CNTN5: variants seen among roughly 807,000 people sequenced by gnomAD.
The protein encoded by CNTN5 is contactin 5.
CNTN5 carries 77 observed loss-of-function variants against 129.1 expected under a neutral mutation model. That is an observed-to-expected ratio of 0.60 (90% CI 0.50 to 0.72). The LOEUF (loss-of-function observed/expected upper bound fraction) is 0.72, where lower values mean the gene tolerates loss of function less well. Among genes scored for constraint, CNTN5 ranks in the 30% least tolerant of loss-of-function variants. CNTN5 has a pLI of 0.00. For synonymous variants in CNTN5, 509 were observed against 465.6 expected, an observed-to-expected ratio of 1.09 and a Z score of -1.20; for missense variants, 1,478 against 1,328.8, an observed-to-expected ratio of 1.11 and a Z score of -1.75.
At chr11:99,320,006 G>T (rs1007000611) in intron 1 of CNTN5, among the ~76,000 whole-genome samples, 17 of 152,298 alleles carry the variant, frequency 1.1e-4, no homozygotes, top group Non-Finnish European at 2.1e-4. Context: ...ATGGGAGGCA[G>T]AGGCTGGTGG....
chr11:99,859,210 T>C (rs1218469642), intron 6 of CNTN5, among the ~76,000 whole-genome samples: 1 of 152,336 alleles, frequency 6.6e-6, no homozygotes, highest in East Asian at 1.9e-4. Context: ...ATCTCTAATT[T>C]TGAGATCAGA....
chr11:99,234,559 A>G (rs559337703), intron 1 of CNTN5, among the ~76,000 whole-genome samples: 27 of 152,270 alleles, frequency 1.8e-4, no homozygotes, highest in Non-Finnish European at 3.4e-4. Context: ...CATTGAAATA[A>G]TTTGTTTTGT....
At chr11:100,147,700 T>TCACGA (rs1946899894) in intron 13 of CNTN5, among the ~76,000 whole-genome samples, 1 of 147,196 alleles carries the variant, frequency 6.8e-6, no homozygotes, top group South Asian at 2.2e-4. Context: ...TTCATATTAT[T>TCACGA]CACGACACCC....
chr11:99,837,387 C>T lies in CNTN5; in HGVS notation c.278-7465C>T, dbSNP rs189152926. Among the ~76,000 whole-genome samples the T allele has an allele frequency of 7.4e-4, 113 of 152,218 alleles. 1 individual carries two copies. The highest frequency in any genetic ancestry group is 1.6e-3 in the Non-Finnish European group (106 of 68,000). ...TTCTGCTTAGTTGTTGAATGAAGTG[C>T]TCTCCATACAGAAAGTTTTGGAACC... On this transcript the variant is annotated intron_variant, in intron 4 of 24. Transcript: ENST00000524871.
chr11:99,088,253 A>C (rs1161235309), intron 1 of CNTN5, among the ~76,000 whole-genome samples: 1 of 152,108 alleles, frequency 6.6e-6, no homozygotes, highest in Non-Finnish European at 1.5e-5. Context: ...ATGTGTTCTT[A>C]TCTGTGCCCT....
chr11:99,782,620 C>G (rs1010409868), intron 3 of CNTN5, among the ~76,000 whole-genome samples: 29 of 151,744 alleles, frequency 1.9e-4, no homozygotes, highest in African/African-American at 5.6e-4. Flanking sequence ...GTACTGGTAC[C>G]AAAACAGAGA....
intron 9 of CNTN5, among the ~76,000 whole-genome samples, chr11:100,011,331 G>A (rs898743815): frequency 6.6e-6 from 1 of 151,934 alleles, no homozygotes; most frequent in Non-Finnish European, 1.5e-5. Flanking sequence ...AATACACAAG[G>A]GCAAACAGGG....
At chr11:99,967,101 A>T (rs1456321395) in intron 8 of CNTN5, among the ~76,000 whole-genome samples, 1 of 152,170 alleles carries the variant, frequency 6.6e-6, no homozygotes, top group South Asian at 2.1e-4. Context: ...CTAAATAAAG[A>T]GAGGATATTT....
At chr11:99,435,657 A>G (rs1222129120) in intron 2 of CNTN5, among the ~76,000 whole-genome samples, 1 of 152,230 alleles carries the variant, frequency 6.6e-6, no homozygotes, top group East Asian at 1.9e-4. Flanking sequence ...AGTCTTAAAT[A>G]TGCCAAATAA....
At chr11:99,634,642 C>T (rs1321386321) in intron 3 of CNTN5, among the ~76,000 whole-genome samples, 1 of 152,160 alleles carries the variant, frequency 6.6e-6, no homozygotes, top group Non-Finnish European at 1.5e-5. Flanking sequence ...AATCTATACA[C>T]TACTCCTCAG....
At chr11:99,234,816 A>T (rs1236066066) in intron 1 of CNTN5, among the ~76,000 whole-genome samples, 3 of 152,166 alleles carry the variant, frequency 2.0e-5, no homozygotes, top group Non-Finnish European at 4.4e-5. Flanking sequence ...TGGTAAATAG[A>T]CTCAACTGAC....
chr11:99,419,155 C>T (rs1275662019), intron 2 of CNTN5, among the ~76,000 whole-genome samples: 1 of 152,130 alleles, frequency 6.6e-6, no homozygotes, highest in African/African-American at 2.4e-5. Context: ...ATCAACTATG[C>T]AGAGGGCAGA....
At chr11:99,022,954 A>G (rs1183579335) in intron 1 of CNTN5, among the ~76,000 whole-genome samples, 1 of 152,216 alleles carries the variant, frequency 6.6e-6, no homozygotes, top group Non-Finnish European at 1.5e-5. Flanking sequence ...AGAAAGTTAG[A>G]TTCTTAAAAG....
intron 4 of CNTN5, 115 bp downstream of exon 4, chr11:99,819,880 ACT>A (rs1946742172): frequency 2.8e-6 from 2 of 715,478 alleles, no homozygotes; most frequent in Non-Finnish European, 4.6e-6. Context: ...ATTGAACTCA[ACT>A]CTGCTAAAAA....
intron 13 of CNTN5, among the ~76,000 whole-genome samples, chr11:100,182,537 A>G (rs1483524050): frequency 6.6e-6 from 1 of 152,112 alleles, no homozygotes; most frequent in African/African-American, 2.4e-5. Context: ...AGACATAAAC[A>G]TCCAGATCAT....
chr11:99,634,477 C>G (rs78458316), intron 3 of CNTN5, among the ~76,000 whole-genome samples: 2 of 152,118 alleles, frequency 1.3e-5, no homozygotes, highest in East Asian at 1.9e-4. Context: ...TGGGCACGAA[C>G]GGTGTCTGAA....
chr11:99,190,022 G>T (rs112006844), intron 1 of CNTN5, among the ~76,000 whole-genome samples: 14 of 151,440 alleles, frequency 9.2e-5, no homozygotes, highest in Non-Finnish European at 1.6e-4. Flanking sequence ...TTTTCTAGTA[G>T]TTTTATAGTT....
chr11:99,049,597 C>T (rs1864346536), intron 1 of CNTN5: 1 of 152,136 alleles, frequency 6.6e-6, no homozygotes, highest in Admixed American at 6.6e-5. Context: ...CCAGTCATCT[C>T]TAGGTATCCA....
intron 3 of CNTN5, among the ~76,000 whole-genome samples, chr11:99,584,429 C>T (rs985375445): frequency 6.6e-6 from 1 of 152,278 alleles, no homozygotes; most frequent in African/African-American, 2.4e-5. Flanking sequence ...GGTGTTAAAA[C>T]TATTTTCCTT....
Sources: gnomAD v4.1 joint callset for allele counts (sites outside exome capture counted in the v4.1 genomes callset) on GRCh38, gnomAD v4.1.1 for gene constraint, MANE v1.5 for transcripts, NCBI Gene and HGNC (gene_info 2026-07-23, HGNC 2026-07-21) for gene names.